DOCK10: variants seen among roughly 807,000 people sequenced by gnomAD.
DOCK10 encodes dedicator of cytokinesis 10.
DOCK10 carries 145 observed loss-of-function variants against 280.1 expected under a neutral mutation model. The ratio of observed to expected loss-of-function variants is 0.52; its 90% confidence interval spans 0.45 to 0.59. The LOEUF (loss-of-function observed/expected upper bound fraction) is 0.59. Ranked by LOEUF, DOCK10 falls within the 20% of genes least tolerant of loss-of-function variation. DOCK10 has a pLI of 0.00. For missense variants in DOCK10, 2,368 were observed against 2,651.7 expected, an observed-to-expected ratio of 0.89 and a Z score of 2.35; for synonymous variants, 915 against 942.2, an observed-to-expected ratio of 0.97 and a Z score of 0.53.
At chr2:224,921,112 A>AAAATATATAT in intron 2 of DOCK10, among the ~76,000 whole-genome samples, 4 of 54,432 alleles carry the variant, frequency 7.3e-5, no homozygotes, top group African/African-American at 6.3e-4. Flanking sequence ...AAAAAAAAAA[A>AAAATATATAT]ATATATATAT....
Position 224,792,954 on chromosome 2 carries a change from T to C in DOCK10, c.5311+20A>G, listed in dbSNP as rs1194979907. On this transcript the variant is annotated intron_variant, in intron 47 of 55. Coordinates refer to ENST00000258390, the MANE Select transcript of DOCK10 (RefSeq NM_014689.3). Reference sequence around the variant, plus strand: ...TGGATTTCCTCTGCATTGGGATAAATGAGCAGTTAGGTCACTCACTTCCTC... The same window carrying C: ...TGGATTTCCTCTGCATTGGGATAAACGAGCAGTTAGGTCACTCACTTCCTC... The C allele has an allele frequency of 1.9e-6, 3 of 1,564,224 alleles. No individual in the cohort carries two copies. The highest frequency in any genetic ancestry group is 2.6e-6 in the Non-Finnish European group (3 of 1,136,210).
At chr2:224,857,016 G>T in intron 14 of DOCK10, 34 bp from the exon 15 acceptor site, 1 of 1,542,852 alleles carries the variant, frequency 6.5e-7, no homozygotes, top group Non-Finnish European at 8.8e-7. Flanking sequence ...TTGGTAGTTG[G>T]ATATTGTTTA....
intron 1 of DOCK10, among the ~76,000 whole-genome samples, chr2:224,959,881 T>C (rs1319642979): frequency 6.6e-6 from 1 of 152,106 alleles, no homozygotes; most frequent in Non-Finnish European, 1.5e-5. Flanking sequence ...CAAGACTGAG[T>C]CTTTGTATAA....
At chr2:224,767,917 C>CT (rs34717266) in intron 55 of DOCK10, among the ~76,000 whole-genome samples, 34 of 147,868 alleles carry the variant, frequency 2.3e-4, no homozygotes, top group East Asian at 2.2e-3. Context: ...CTAATTGTTT[C>CT]TTTTTTTTTT....
chr2:224,883,499 T>C (rs901402909), intron 7 of DOCK10, among the ~76,000 whole-genome samples: 4 of 152,234 alleles, frequency 2.6e-5, no homozygotes, highest in African/African-American at 9.6e-5. Flanking sequence ...TTGAAATTAA[T>C]GGAAGAATTA....
rs958579689 is a variant in DOCK10, at chr2:224,852,361, T to G, written c.2142+16A>C. On this transcript the variant is annotated intron_variant, in intron 18 of 55. Coordinates refer to ENST00000258390, the MANE Select transcript of DOCK10 (RefSeq NM_014689.3). Reference sequence around the variant, plus strand: ...CTTCCCACTTTATGCTGGGTCCCTTTGCTGACTTGGCTCACCTTCAGGGGC... The same window carrying G: ...CTTCCCACTTTATGCTGGGTCCCTTGGCTGACTTGGCTCACCTTCAGGGGC... 6 of 1,561,854 alleles carry G rather than the reference T, an allele frequency of 3.8e-6. No homozygotes were observed. In the African/African-American group the frequency reaches 8.1e-5, roughly 21 times the overall value.
At position 224,939,080 on chromosome 2, in the gene DOCK10, A is replaced by G. The variant is rs141744265; in HGVS notation, c.124-7412T>C. Among the ~76,000 whole-genome samples, 23 of 152,340 alleles carry G rather than the reference A, an allele frequency of 1.5e-4. No individual in the cohort carries two copies. In the East Asian group the frequency reaches 4.2e-3, roughly 28 times the overall value. ...TTTGGAAATGGCTCCCTTGGTAACAAAGACGGACACAGATCTCACAAGAAA... is the reference window on the plus strand; with the variant it reads ...TTTGGAAATGGCTCCCTTGGTAACAGAGACGGACACAGATCTCACAAGAAA... On this transcript the variant is annotated intron_variant, in intron 1 of 55. Transcript: ENST00000258390.
chr2:224,890,346 A>G (rs1198997798), intron 4 of DOCK10, among the ~76,000 whole-genome samples: 2 of 152,238 alleles, frequency 1.3e-5, no homozygotes, highest in Admixed American at 6.5e-5. Flanking sequence ...ACTAGTAACG[A>G]TGTAAAAACA....
chr2:224,865,134 C>G, intron 11 of DOCK10, 47 bp from the exon 12 acceptor site: 1 of 1,563,344 alleles, frequency 6.4e-7, no homozygotes, highest in South Asian at 1.1e-5. Context: ...AAATCATTAT[C>G]CATGAGACAG....
At chr2:224,812,941 A>G (rs1270640427) in intron 31 of DOCK10, among the ~76,000 whole-genome samples, 1 of 152,060 alleles carries the variant, frequency 6.6e-6, no homozygotes, top group Non-Finnish European at 1.5e-5. Context: ...TATTGGTCTA[A>G]AATTCTCTCT....
intron 31 of DOCK10, among the ~76,000 whole-genome samples, chr2:224,810,590 C>T (rs910781225): frequency 6.7e-6 from 1 of 149,732 alleles, no homozygotes. Flanking sequence ...CCCATTAACT[C>T]GTCATTTAGC....
chr2:224,983,463 T>A (rs1374190702), intron 1 of DOCK10: 1 of 213,262 alleles, frequency 4.7e-6, no homozygotes, highest in Non-Finnish European at 9.7e-6. Context: ...TCTTGAGATC[T>A]TTCTGCCAAG....
At chr2:224,909,696 C>T (rs6731109) in intron 3 of DOCK10, among the ~76,000 whole-genome samples, 50,653 of 151,622 alleles carry the variant, frequency 0.33, 8,517 homozygotes, top group Middle Eastern at 0.37. Context: ...TTCTAGGCTG[C>T]AAAATGAGGT....
Position 224,852,373 on chromosome 2 carries a change from T to C in DOCK10, c.2142+4A>G. 1 of 1,568,082 alleles carries C rather than the reference T, an allele frequency of 6.4e-7. No individual in the cohort carries two copies. Among genetic ancestry groups the C allele is most frequent in the Non-Finnish European group, 8.7e-7 (1 of 1,155,194 alleles). ...TGCTGGGTCCCTTTGCTGACTTGGCTCACCTTCAGGGGCTTGGCACTTTCT... is the reference window on the plus strand; with the variant it reads ...TGCTGGGTCCCTTTGCTGACTTGGCCCACCTTCAGGGGCTTGGCACTTTCT... On this transcript the variant is annotated splice_donor_region_variant and intron_variant, in intron 18 of 55. Transcript: ENST00000258390.
chr2:224,985,776 G>A (rs997608389), intron 1 of DOCK10, among the ~76,000 whole-genome samples: 1 of 152,174 alleles, frequency 6.6e-6, no homozygotes, highest in Non-Finnish European at 1.5e-5. Context: ...CTTGACTAAT[G>A]AATTTAGTTT....
At chr2:224,812,698 C>T (rs906112263) in intron 31 of DOCK10, among the ~76,000 whole-genome samples, 1 of 152,100 alleles carries the variant, frequency 6.6e-6, no homozygotes, top group Admixed American at 6.6e-5. Context: ...TAGCATGAAG[C>T]ATTGTTGAAT....
At chr2:225,019,602 T>G (rs1047482339) in intron 1 of DOCK10, among the ~76,000 whole-genome samples, 1 of 152,148 alleles carries the variant, frequency 6.6e-6, no homozygotes, top group Admixed American at 6.5e-5. Context: ...GCTCAATGCC[T>G]ACTATTTTCT....
chr2:224,896,718 CA>C (rs903570576), intron 3 of DOCK10, among the ~76,000 whole-genome samples: 1 of 150,386 alleles, frequency 6.6e-6, no homozygotes, highest in Admixed American at 6.6e-5. Flanking sequence ...CTTCGTCTCA[CA>C]AAAAAAAGAA....
At chr2:224,830,729 C>T (rs577653129) in intron 26 of DOCK10, 117 bp from the exon 27 acceptor site, 2 of 490,936 alleles carry the variant, frequency 4.1e-6, no homozygotes, top group African/African-American at 4.0e-5. Flanking sequence ...TTCTTTGAAA[C>T]TAAATGAATT....
Sources: gnomAD v4.1 joint callset for allele counts (sites outside exome capture counted in the v4.1 genomes callset) on GRCh38, gnomAD v4.1.1 for gene constraint, MANE v1.5 for transcripts, NCBI Gene and HGNC (gene_info 2026-07-23, HGNC 2026-07-21) for gene names.